Variants in NAV1 observed in about 807,000 individuals in gnomAD.
The protein encoded by NAV1 is pore membrane and/or filament interacting like protein 3.
A neutral mutation model predicts 175.2 loss-of-function variants in NAV1; 18 were observed. The ratio of observed to expected loss-of-function variants is 0.10; its 90% CI spans 0.07 to 0.15. The LOEUF (loss-of-function observed/expected upper bound fraction) is 0.15, where lower values mean the gene tolerates loss of function less well. NAV1 is among the 10% of genes least tolerant of loss of function. The pLI is 1.00. For missense variants in NAV1, 1,731 were observed against 2,436.6 expected, an observed-to-expected ratio of 0.71 and a Z score of 6.10; for synonymous variants, 897 against 978.7, an observed-to-expected ratio of 0.92 and a Z score of 1.56.
chr1:201,721,979 G>A (rs151256594), intron 3 of NAV1, among the ~76,000 whole-genome samples: 4 of 152,234 alleles, frequency 2.6e-5, no homozygotes, highest in Non-Finnish European at 4.4e-5. Flanking sequence ...ACCAAAGAAG[G>A]CAAATTCTTC....
intron 14 of NAV1, 112 bp downstream of exon 18, chr1:201,793,987 C>A (rs1457028732): frequency 3.5e-6 from 3 of 860,224 alleles, no homozygotes; most frequent in Admixed American, 2.0e-5. Context: ...TTTCTCCCCA[C>A]CTCACTGTCA....
intron 8 of NAV1, 149 bp from the exon 13 acceptor site, chr1:201,786,280 C>CT: frequency 1.3e-6 from 1 of 751,452 alleles, no homozygotes; most frequent in East Asian, 2.6e-5. Context: ...CTCTTACTCC[C>CT]TCCTTGGGCA....
At chr1:201,745,680 T>A (rs995962864) in intron 3 of NAV1, among the ~76,000 whole-genome samples, 26 of 152,286 alleles carry the variant, frequency 1.7e-4, no homozygotes, top group African/African-American at 6.0e-4. Flanking sequence ...TGGCTGGCTA[T>A]ACAGCCACTC....
chr1:201,555,298 A>G (rs1665979401), intron 1 of NAV1, among the ~76,000 whole-genome samples: 1 of 152,216 alleles, frequency 6.6e-6, no homozygotes, highest in South Asian at 2.1e-4. Flanking sequence ...GTAAGGCAAG[A>G]ATCAGGGGAG....
chr1:201,821,615 C>T (rs1385278512), exon 30 of NAV1: 1 of 152,340 alleles, frequency 6.6e-6, no homozygotes, highest in Non-Finnish European at 1.5e-5. Context: ...GCTACGCCCC[C>T]TTGTTATCTA....
At chr1:201,700,258 C>T (rs551764760) in intron 1 of NAV1, among the ~76,000 whole-genome samples, 1 of 152,210 alleles carries the variant, frequency 6.6e-6, no homozygotes, top group Admixed American at 6.5e-5. Context: ...CAAACAACCC[C>T]ATCAAAAGTG....
rs368481603 is a variant in NAV1, at chr1:201,588,637, G to C, written c.-45G>C. Reference sequence around the variant, plus strand: ...CAAAGTGCTGGGATTACAGGTGTGAGCCACACACCCAGGTATGAGTTTTGG... The same window carrying C: ...CAAAGTGCTGGGATTACAGGTGTGACCCACACACCCAGGTATGAGTTTTGG... On this transcript the variant is annotated 5_prime_UTR_variant, in exon 2 of 34. Transcript: ENST00000685211. 9.2e-5 allele frequency among the ~76,000 whole-genome samples: 14 copies of C among 151,850 alleles called. 1 individual carries two copies. In the East Asian group the frequency reaches 2.1e-3, roughly 23 times the overall value.
At chr1:201,660,877 G>A (rs1264722727) in intron 1 of NAV1, among the ~76,000 whole-genome samples, 1 of 152,156 alleles carries the variant, frequency 6.6e-6, no homozygotes, top group Non-Finnish European at 1.5e-5. Flanking sequence ...GAAGGGCCCA[G>A]GTGGCCAGGG....
At chr1:201,746,336 A>G (rs1226692906) in intron 3 of NAV1, among the ~76,000 whole-genome samples, 1 of 152,186 alleles carries the variant, frequency 6.6e-6, no homozygotes, top group African/African-American at 2.4e-5. Flanking sequence ...TGGACATACC[A>G]TATTTATGCT....
At chr1:201,680,844 G>C (rs1033602712) in intron 1 of NAV1, among the ~76,000 whole-genome samples, 23 of 152,182 alleles carry the variant, frequency 1.5e-4, no homozygotes, top group Non-Finnish European at 3.2e-4. Context: ...GGGCTCCACT[G>C]CAGACCAGCT....
chr1:201,743,962 G>A (rs982459179), intron 3 of NAV1, among the ~76,000 whole-genome samples: 8 of 152,102 alleles, frequency 5.3e-5, no homozygotes, highest in Admixed American at 2.6e-4. Context: ...TCAGCTCACC[G>A]CAATGTGTGC....
At chr1:201,626,410 T>A (rs1173822568) in intron 1 of NAV1, among the ~76,000 whole-genome samples, 1 of 152,198 alleles carries the variant, frequency 6.6e-6, no homozygotes, top group Non-Finnish European at 1.5e-5. Flanking sequence ...AGGGAATGAA[T>A]CTTGCAGCCA....
intron 1 of NAV1, among the ~76,000 whole-genome samples, chr1:201,623,932 C>T (rs1023219204): frequency 1.3e-5 from 2 of 152,150 alleles, no homozygotes; most frequent in African/African-American, 4.8e-5. Context: ...ATTGGGATGT[C>T]GTGGAAGCTT....
At chr1:201,567,104 C>T (rs1372978616) in intron 1 of NAV1, among the ~76,000 whole-genome samples, 1 of 151,760 alleles carries the variant, frequency 6.6e-6, no homozygotes, top group Non-Finnish European at 1.5e-5. Flanking sequence ...ACCAGCTGCT[C>T]TTCACAGGAC....
At chr1:201,753,759 A>G (rs906803895) in intron 3 of NAV1, among the ~76,000 whole-genome samples, 1 of 152,218 alleles carries the variant, frequency 6.6e-6, no homozygotes, top group South Asian at 2.1e-4. Context: ...CAAACTCCAC[A>G]TAGGAGCACA....
At position 201,808,280 on chromosome 1, in the gene NAV1, A is replaced by C. The variant is rs766095839; in HGVS notation, c.3845+131A>C. On this transcript the variant is annotated intron_variant, in intron 18 of 29. Transcript: ENST00000367296. This position sits in a 1 kb window ranked among gnomAD's most constrained non-coding sequence, Gnocchi z 5.5. ...ACCTCTCCCTGGGCATATGAGACCA[A>C]CAGATGGACCTTTCTTCTCATGCTG... 536 of 1,387,684 alleles carry C rather than the reference A, an allele frequency of 3.9e-4. No individual in the cohort carries two copies. Among genetic ancestry groups the C allele is most frequent in the Non-Finnish European group, 5.0e-4 (510 of 1,016,308 alleles). The allele number at this position is 1,387,684 out of a possible 1,614,324, so 86.0% of individuals were successfully genotyped here. A position where few individuals can be genotyped will look rare whatever the true frequency, so the allele number is the denominator to read the frequency against.
At chr1:201,673,234 G>GCC (rs1406115781) in intron 1 of NAV1, 1 of 152,224 alleles carries the variant, frequency 6.6e-6, no homozygotes, top group East Asian at 1.9e-4. Context: ...AACACTTCCG[G>GCC]CCCGTGGGCA....
chr1:201,582,318 CAG>C (rs1558006319), intron 1 of NAV1, among the ~76,000 whole-genome samples: 2 of 152,180 alleles, frequency 1.3e-5, no homozygotes, highest in African/African-American at 2.4e-5. Flanking sequence ...ACGAGTCAAA[CAG>C]GGGAGGAAGC....
chr1:201,756,029 C>A (rs1345607514), intron 3 of NAV1, among the ~76,000 whole-genome samples: 2 of 151,084 alleles, frequency 1.3e-5, no homozygotes, highest in Non-Finnish European at 2.9e-5. Flanking sequence ...ATTGCTTGAA[C>A]CAGGGAGTCA....
Sources: gnomAD v4.1 joint callset for allele counts (sites outside exome capture counted in the v4.1 genomes callset) on GRCh38, gnomAD v4.1.1 for gene constraint, Gnocchi (gnomAD v3.1) non-coding constraint, MANE v1.5 for transcripts, NCBI Gene and HGNC (gene_info 2026-07-23, HGNC 2026-07-21) for gene names.